Variants in PPFIA2 observed in about 807,000 individuals in gnomAD.
PPFIA2 encodes PPFI scaffold protein A2, also known as liprin-alpha-2.
In PPFIA2, 46 loss-of-function variants were observed where a neutral mutation model predicts 175.5. The ratio of observed to expected loss-of-function variants is 0.26; its 90% CI spans 0.21 to 0.34. The LOEUF (loss-of-function observed/expected upper bound fraction) is 0.34, where lower values mean the gene tolerates loss of function less well. Among genes scored for constraint, PPFIA2 ranks in the 10% least tolerant of loss-of-function variants. The pLI, the probability that PPFIA2 is intolerant of heterozygous loss-of-function variation, is 1.00. For missense variants in PPFIA2, 1,179 were observed against 1,506.1 expected (o/e 0.78, Z 3.60); for synonymous variants, 568 against 511.4 (o/e 1.11, Z -1.49).
intron 4 of PPFIA2, among the ~76,000 whole-genome samples, chr12:81,620,559 C>CT (rs769904123): frequency 9.3e-4 from 142 of 152,226 alleles, no homozygotes; most frequent in East Asian, 7.7e-4. Flanking sequence ...GAATGCCTAA[C>CT]GAACCGTATG....
intron 4 of PPFIA2, among the ~76,000 whole-genome samples, chr12:81,494,164 A>G (rs1222147649): frequency 1.3e-5 from 2 of 152,092 alleles, no homozygotes; most frequent in South Asian, 2.1e-4. Flanking sequence ...GCAACCTACA[A>G]AATGGGAAAA....
intron 3 of PPFIA2, among the ~76,000 whole-genome samples, chr12:81,741,251 T>A (rs1922566): frequency 6.6e-6 from 1 of 152,138 alleles, no homozygotes. Flanking sequence ...TCATACATAA[T>A]GACACTCGTG....
intron 4 of PPFIA2, among the ~76,000 whole-genome samples, chr12:81,582,696 T>C (rs2074594176): frequency 6.6e-6 from 1 of 151,834 alleles, no homozygotes; most frequent in Admixed American, 6.6e-5. Flanking sequence ...GTGCAAAATA[T>C]ATTAACTTTA....
chr12:81,593,044 C>T (rs2058850920), intron 4 of PPFIA2, among the ~76,000 whole-genome samples: 1 of 152,152 alleles, frequency 6.6e-6, no homozygotes, highest in Admixed American at 6.6e-5. Flanking sequence ...AGGCATGAGC[C>T]ACCATGCCCA....
intron 24 of PPFIA2, among the ~76,000 whole-genome samples, chr12:81,285,682 G>A (rs190180920): frequency 3.4e-4 from 51 of 152,150 alleles, no homozygotes; most frequent in African/African-American, 1.2e-3. Context: ...TTGTGGTAAT[G>A]CTAGTGTAAA....
At chr12:81,376,067 C>G in intron 9 of PPFIA2, 125 bp from the exon 10 acceptor site, 1 of 858,880 alleles carries the variant, frequency 1.2e-6, no homozygotes, top group Middle Eastern at 3.7e-4. Flanking sequence ...TCATTCCTTT[C>G]TTTTCATTGA....
intron 16 of PPFIA2, among the ~76,000 whole-genome samples, chr12:81,355,194 C>T (rs2060697426): frequency 6.6e-6 from 1 of 152,138 alleles, no homozygotes; most frequent in East Asian, 1.9e-4. Flanking sequence ...TCTCTTTGAG[C>T]ATCTCTGTCA....
chr12:81,469,832 G>A (rs989744352), intron 4 of PPFIA2, among the ~76,000 whole-genome samples: 9 of 152,184 alleles, frequency 5.9e-5, no homozygotes, highest in Non-Finnish European at 1.0e-4. Flanking sequence ...AGGTTTAGAT[G>A]AAGTCATGAG....
At chr12:81,329,167 G>T (rs1566181198) in intron 21 of PPFIA2, among the ~76,000 whole-genome samples, 1 of 151,930 alleles carries the variant, frequency 6.6e-6, no homozygotes, top group East Asian at 1.9e-4. Flanking sequence ...GGAAACTAGG[G>T]GTTACTCATT....
intron 4 of PPFIA2, among the ~76,000 whole-genome samples, chr12:81,493,182 C>T (rs189691526): frequency 6.6e-6 from 1 of 152,156 alleles, no homozygotes; most frequent in African/African-American, 2.4e-5. Flanking sequence ...AGTTAAGATA[C>T]ACATTTTTGG....
intron 7 of PPFIA2, 172 bp downstream of exon 7, chr12:81,439,800 C>T (rs2049825770): frequency 8.2e-6 from 5 of 606,644 alleles, no homozygotes; most frequent in Non-Finnish European, 1.1e-5. Flanking sequence ...ATATAAATAA[C>T]CAAAAATCAG....
intron 4 of PPFIA2, among the ~76,000 whole-genome samples, chr12:81,530,574 G>T (rs2064370882): frequency 6.6e-6 from 1 of 151,742 alleles, no homozygotes; most frequent in Non-Finnish European, 1.5e-5. Flanking sequence ...GCGAAGTGTG[G>T]CAACTGGAAT....
At position 81,309,294 on chromosome 12, in the gene PPFIA2, A is replaced by C. The variant is rs546414700; in HGVS notation, c.2643-9912T>G. ...TGAGAAGCTAGTTGAAATTCTGGTCAGCAAATGCAAAGTATGGTGCCAACT... is the reference window on the plus strand; with the variant it reads ...TGAGAAGCTAGTTGAAATTCTGGTCCGCAAATGCAAAGTATGGTGCCAACT... On this transcript the variant is annotated intron_variant, in intron 22 of 32. Transcript: ENST00000549396. 3.9e-5 allele frequency among the ~76,000 whole-genome samples: 6 copies of C among 152,280 alleles called. No homozygotes were observed. In the East Asian group the frequency reaches 1.2e-3, roughly 29 times the overall value.
At chr12:81,592,598 G>A (rs2153446269) in intron 4 of PPFIA2, among the ~76,000 whole-genome samples, 1 of 152,216 alleles carries the variant, frequency 6.6e-6, no homozygotes, top group Admixed American at 6.5e-5. Context: ...GTTTTAAAAA[G>A]AAGAGCACAA....
intron 4 of PPFIA2, among the ~76,000 whole-genome samples, chr12:81,468,692 T>G (rs967618887): frequency 6.6e-6 from 1 of 152,136 alleles, no homozygotes; most frequent in African/African-American, 2.4e-5. Context: ...CCAAAAATAT[T>G]TGGGCTACAA....
rs144177069 is a variant in PPFIA2 at position 81,455,096 on chromosome 12, T to C, written c.405+2669A>G. ...TGAGAAGGAAACACTAGCTTGTTGC[T>C]TTGTCTCTATGACCAGCACACAGAT... On this transcript the variant is annotated intron_variant, in intron 5 of 32. Coordinates refer to ENST00000549396, the MANE Select transcript of PPFIA2 (RefSeq NM_003625.5). Among the ~76,000 whole-genome samples the C allele has an allele frequency of 2.8e-3, 430 of 152,312 alleles. 2 individuals are homozygous for C. Among genetic ancestry groups the C allele is most frequent in the African/African-American group, 9.8e-3 (406 of 41,572 alleles).
At chr12:81,449,391 T>A (rs1366303391) in intron 5 of PPFIA2, among the ~76,000 whole-genome samples, 1 of 151,826 alleles carries the variant, frequency 6.6e-6, no homozygotes, top group Admixed American at 6.6e-5. Context: ...TTTTTGGATA[T>A]AGATTTGCTT....
intron 5 of PPFIA2, among the ~76,000 whole-genome samples, chr12:81,450,991 T>C (rs2052461584): frequency 6.6e-6 from 1 of 152,152 alleles, no homozygotes; most frequent in Non-Finnish European, 1.5e-5. Flanking sequence ...GGAATAGCTA[T>C]GGATCCATGT....
chr12:81,731,963 T>C (rs1044830368), intron 3 of PPFIA2, among the ~76,000 whole-genome samples: 1 of 151,544 alleles, frequency 6.6e-6, no homozygotes, highest in Admixed American at 6.6e-5. Context: ...TTCTAAATAA[T>C]TGTATTAAAG....
Sources: allele counts gnomAD v4.1 joint callset (sites outside exome capture counted in the v4.1 genomes callset), GRCh38; gene constraint gnomAD v4.1.1; transcripts MANE v1.5; gene names NCBI Gene and HGNC (gene_info 2026-07-23, HGNC 2026-07-21).